Variants in ADAP1 observed in about 807,000 individuals in gnomAD.
ADAP1 encodes ArfGAP with dual PH domains 1.
ADAP1 carries 31 observed loss-of-function variants against 54.9 expected under a neutral mutation model. That is an observed-to-expected ratio of 0.56 (90% CI 0.42 to 0.76). The LOEUF is 0.76. ADAP1 is among the 30% of genes least tolerant of loss of function. ADAP1 has a pLI of 0.00. For missense variants in ADAP1, 535 were observed against 512.4 expected (o/e 1.04, Z -0.42); for synonymous variants, 313 against 202.6 (o/e 1.55, Z -4.63).
intron 3 of ADAP1, chr7:923,141 C>CA (rs1389330005): frequency 6.6e-6 from 1 of 152,080 alleles, no homozygotes; most frequent in African/African-American, 2.4e-5. Flanking sequence ...CTTGAGCCTC[C>CA]AGCCTCCAGA....
At chr7:954,030 C>T (rs1432296392) in intron 1 of ADAP1, among the ~76,000 whole-genome samples, 1 of 152,222 alleles carries the variant, frequency 6.6e-6, no homozygotes, top group African/African-American at 2.4e-5. Context: ...GGCCCGTTCC[C>T]TCCCTGCAGC....
chr7:899,565 C>G, intron 8 of ADAP1, 75 bp from the exon 9 acceptor site: 1 of 1,519,760 alleles, frequency 6.6e-7, no homozygotes, highest in Non-Finnish European at 8.9e-7. Flanking sequence ...CAGCACACCC[C>G]GGAGGGCAGG....
At chr7:921,028 G>A (rs1846175099) in intron 3 of ADAP1, 2 of 627,002 alleles carry the variant, frequency 3.2e-6, no homozygotes, top group African/African-American at 1.8e-5. Flanking sequence ...GGCCCCAGGT[G>A]TGTGTGTGTC....
intron 4 of ADAP1, among the ~76,000 whole-genome samples, chr7:919,362 C>T (rs974028619): frequency 3.3e-5 from 5 of 152,240 alleles, no homozygotes; most frequent in African/African-American, 7.2e-5. Context: ...CACGGCCCCA[C>T]GAGGTCCCCA....
chr7:906,849 G>A (rs1357083052), intron 4 of ADAP1, among the ~76,000 whole-genome samples: 1 of 123,764 alleles, frequency 8.1e-6, no homozygotes, highest in Non-Finnish European at 1.8e-5. Context: ...GTTGGTGAGG[G>A]GATATGACAG....
intron 4 of ADAP1, among the ~76,000 whole-genome samples, chr7:912,422 AC>A (rs900124088): frequency 3.3e-5 from 5 of 151,532 alleles, no homozygotes; most frequent in South Asian, 2.1e-4. Context: ...ACAAGGATAA[AC>A]CCCCACATCT....
rs1562915406 is a variant in ADAP1, at chr7:906,716, TCGGGGACGG to T, written c.389-1553_389-1545del. Among the ~76,000 whole-genome samples the T allele has an allele frequency of 8.3e-3, 170 of 20,432 alleles. 10 individuals are homozygous for T. The highest frequency in any genetic ancestry group is 0.029 in the Middle Eastern group (1 of 34). The allele number at this position is 20,432 out of a possible 152,430, so 13.4% of individuals were successfully genotyped here. On this transcript the variant is annotated intron_variant, in intron 4 of 10. Transcript: ENST00000265846. ...GGACATGGACATGGGGGACGGGACATCGGGGACGGGACATGGGGGACAGAGTACATAGGG... is the reference window on the plus strand; with the variant it reads ...GGACATGGACATGGGGGACGGGACATGACATGGGGGACAGAGTACATAGGG...
chr7:904,048 A>C, intron 6 of ADAP1, 78 bp downstream of exon 6: 1 of 1,585,188 alleles, frequency 6.3e-7, no homozygotes, highest in Non-Finnish European at 8.6e-7. Context: ...CCGTCCAAGC[A>C]CCCACCTTCC....
rs1468708386 is a variant in ADAP1, at chr7:900,708, T to TC, written c.649-93dup. 3.5e-6 allele frequency: 3 copies of TC among 860,186 alleles called. No homozygotes were observed. In the African/African-American group the frequency reaches 9.1e-5, roughly 26 times the overall value. The allele number at this position is 860,186 out of a possible 1,614,324, so 53.3% of individuals were successfully genotyped here. A position where few individuals can be genotyped will look rare whatever the true frequency, so the allele number is the denominator to read the frequency against. On this transcript the variant is annotated intron_variant, in intron 6 of 10. Transcript: ENST00000265846. ...CTGGGGTCCCCACAGAGGGGCCGCTTCCCCCAGAGCCCAGCCCCTTCCTCC... is the reference window on the plus strand; with the variant it reads ...CTGGGGTCCCCACAGAGGGGCCGCTTCCCCCCAGAGCCCAGCCCCTTCCTCC...
At chr7:915,482 C>T (rs994208194) in intron 4 of ADAP1, among the ~76,000 whole-genome samples, 8 of 152,206 alleles carry the variant, frequency 5.3e-5, no homozygotes, top group South Asian at 2.1e-4. Flanking sequence ...CTTCAGAGGC[C>T]GGCAGGCAAG....
rs1390911375 is a variant in ADAP1, at chr7:945,504, A to T, written c.82+8892T>A. On this transcript the variant is annotated intron_variant, in intron 1 of 10. Transcript: ENST00000265846. The surrounding 1 kb of genome is among the most constrained non-coding windows in gnomAD (Gnocchi z 4.2). ...TTGTTCCAAAATGCCTGGAGTCAGC[A>T]CCCACGGCCTGTGGTGCCCCCAGAA... Among the ~76,000 whole-genome samples, 1 of 152,200 alleles carries T rather than the reference A, an allele frequency of 6.6e-6. No individual in the cohort carries two copies.
rs534784454 is a variant in ADAP1, at chr7:938,911, G to A, written c.83-3406C>T. 3.5e-4 allele frequency among the ~76,000 whole-genome samples: 53 copies of A among 152,254 alleles called. No homozygotes were observed. Among genetic ancestry groups the A allele is most frequent in the East Asian group, 1.4e-3 (7 of 5,176 alleles). On this transcript the variant is annotated intron_variant, in intron 1 of 10. Transcript: ENST00000265846. The surrounding 1 kb of genome is among the most constrained non-coding windows in gnomAD (Gnocchi z 4.4). ...TGAGCAACGGCCACCAACAGCTCCC[G>A]CCCAGCCCAGGGTCCAGAATGCCTG...
Position 938,219 on chromosome 7 carries a change from G to A in ADAP1, c.83-2714C>T, listed in dbSNP as rs1001395786. 6.6e-6 allele frequency among the ~76,000 whole-genome samples: 1 copy of A among 152,140 alleles called. No homozygotes were observed. The highest frequency in any genetic ancestry group is 1.5e-5 in the Non-Finnish European group (1 of 68,032). On this transcript the variant is annotated intron_variant, in intron 1 of 10. Transcript: ENST00000265846. The surrounding 1 kb of genome is among the most constrained non-coding windows in gnomAD (Gnocchi z 4.4). ...GACAGGGTCTTGCCCTGTTGCCCAA[G>A]GTGGAGTGCAGTGGTGCAATCACAG...
At chr7:948,550 C>G (rs985277180) in intron 1 of ADAP1, among the ~76,000 whole-genome samples, 2 of 152,176 alleles carry the variant, frequency 1.3e-5, no homozygotes, top group African/African-American at 4.8e-5. Flanking sequence ...ACGACCCCCT[C>G]TGGCCTCTCA....
At chr7:921,546 T>C (rs1846191825) in intron 3 of ADAP1, among the ~76,000 whole-genome samples, 1 of 152,234 alleles carries the variant, frequency 6.6e-6, no homozygotes, top group African/African-American at 2.4e-5. Flanking sequence ...CTGGAACTCC[T>C]GAGGCCAATC....
chr7:935,252 G>A, intron 2 of ADAP1, 123 bp downstream of exon 2: 1 of 1,370,926 alleles, frequency 7.3e-7, no homozygotes, highest in Admixed American at 2.1e-5. Context: ...AGCCAGCCAG[G>A]CCCCCAGAGT....
rs986566097 is a variant in ADAP1 at position 898,658 on chromosome 7, G to C, written c.*263C>G. ...TGGGCCCTGGAGGAAAGGGGGCCCC[G>C]GGTCAGGGAGGGGCAGGTTGGCTGG... On this transcript the variant is annotated 3_prime_UTR_variant, in exon 11 of 11. Coordinates refer to ENST00000265846, the MANE Select transcript of ADAP1 (RefSeq NM_006869.4). 5 of 544,644 alleles carry C rather than the reference G, an allele frequency of 9.2e-6. No individual in the cohort carries two copies. In the African/African-American group the frequency reaches 9.5e-5, roughly 10 times the overall value. The allele number at this position is 544,644 out of a possible 1,614,324, so 33.7% of individuals were successfully genotyped here. A position where few individuals can be genotyped will look rare whatever the true frequency, so the allele number is the denominator to read the frequency against.
At chr7:955,029 G>A (rs542315184), upstream of ADAP1, among the ~76,000 whole-genome samples, 1 of 152,214 alleles carries the variant, frequency 6.6e-6, no homozygotes, top group Non-Finnish European at 1.5e-5. Flanking sequence ...AGGCAGGTGT[G>A]CGTGTCCTGT....
At chr7:919,134 G>A (rs1231369205) in intron 4 of ADAP1, among the ~76,000 whole-genome samples, 3 of 152,198 alleles carry the variant, frequency 2.0e-5, no homozygotes, top group Non-Finnish European at 4.4e-5. Context: ...TCTGCCACCC[G>A]AGGGCCCCCA....
Sources: gnomAD v4.1 joint callset for allele counts (sites outside exome capture counted in the v4.1 genomes callset) on GRCh38, gnomAD v4.1.1 for gene constraint, Gnocchi (gnomAD v3.1) non-coding constraint, MANE v1.5 for transcripts, NCBI Gene and HGNC (gene_info 2026-07-23, HGNC 2026-07-21) for gene names.